Variants in LAMA2 observed in about 807,000 individuals in gnomAD.
LAMA2 encodes the protein laminin subunit alpha 2, also known as laminin subunit alpha-2.
In LAMA2, 269 loss-of-function variants were observed where a neutral mutation model predicts 364.8. That is an observed-to-expected ratio of 0.74 (90% CI 0.67 to 0.82). LAMA2 has a LOEUF of 0.82. Among genes scored for constraint, LAMA2 ranks in the 40% least tolerant of loss-of-function variants. The pLI, the probability that LAMA2 is intolerant of heterozygous loss-of-function variation, is 0.00. For missense variants in LAMA2, 3,807 were observed against 3,873.2 expected, an observed-to-expected ratio of 0.98 and a Z score of 0.45; for synonymous variants, 1,379 against 1,370.6, an observed-to-expected ratio of 1.01 and a Z score of -0.14.
intron 4 of LAMA2, among the ~76,000 whole-genome samples, chr6:129,116,746 T>C (rs1206023867): frequency 1.3e-5 from 2 of 152,126 alleles, no homozygotes; most frequent in African/African-American, 4.8e-5. Flanking sequence ...TATTTTCTTA[T>C]AACCACTTTA....
chr6:129,413,436 C>A (rs1438771984), intron 40 of LAMA2, among the ~76,000 whole-genome samples: 1 of 151,912 alleles, frequency 6.6e-6, no homozygotes, highest in Non-Finnish European at 1.5e-5. Context: ...AACTTAATGG[C>A]CTTATAGAAC....
intron 17 of LAMA2, among the ~76,000 whole-genome samples, chr6:129,278,430 G>A (rs1788476170): frequency 6.6e-6 from 1 of 152,178 alleles, no homozygotes; most frequent in African/African-American, 2.4e-5. Flanking sequence ...ACATATATAT[G>A]CTACAGAGAT....
intron 3 of LAMA2, among the ~76,000 whole-genome samples, chr6:129,068,607 G>T (rs556566156): frequency 1.8e-4 from 27 of 152,310 alleles, no homozygotes; most frequent in African/African-American, 6.5e-4. Context: ...CACATTAGGG[G>T]TTAGGATTTC....
chr6:129,053,091 A>G (rs978963403), intron 2 of LAMA2, among the ~76,000 whole-genome samples: 4 of 152,014 alleles, frequency 2.6e-5, no homozygotes, highest in Non-Finnish European at 4.4e-5. Flanking sequence ...GTTTTGTTTT[A>G]TTTTGAGACG....
At chr6:129,389,802 A>G (rs1044693508) in intron 35 of LAMA2, among the ~76,000 whole-genome samples, 12 of 152,170 alleles carry the variant, frequency 7.9e-5, no homozygotes, top group African/African-American at 2.7e-4. Flanking sequence ...TTTATTCACT[A>G]TCACAAGAAC....
chr6:129,359,404 C>T (rs1354379209), intron 32 of LAMA2, among the ~76,000 whole-genome samples: 1 of 151,434 alleles, frequency 6.6e-6, no homozygotes, highest in Non-Finnish European at 1.5e-5. Flanking sequence ...CTACAGCTTT[C>T]CTCTCTATTC....
intron 12 of LAMA2, among the ~76,000 whole-genome samples, chr6:129,245,105 A>T (rs1443866287): frequency 6.6e-6 from 1 of 152,106 alleles, no homozygotes; most frequent in Non-Finnish European, 1.5e-5. Context: ...GTGCCTTCTC[A>T]ATTTGATATC....
intron 12 of LAMA2, among the ~76,000 whole-genome samples, chr6:129,235,260 C>T (rs1316707849): frequency 6.6e-6 from 1 of 152,102 alleles, no homozygotes; most frequent in Non-Finnish European, 1.5e-5. Context: ...AATTACTATG[C>T]TACTAGAATA....
intron 28 of LAMA2, among the ~76,000 whole-genome samples, chr6:129,322,008 G>C (rs943616775): frequency 4.6e-5 from 7 of 152,268 alleles, no homozygotes; most frequent in African/African-American, 1.7e-4. Context: ...AAATGGAAAC[G>C]TATGTGTGAA....
rs753472202 is a variant in LAMA2 at position 129,192,850 on chromosome 6, C to A, written c.1779C>A (p.Asn593Lys). The change falls in exon 12 of 65, where the codon AAC (asparagine) becomes AAA (lysine). Residue 593 changes from asparagine to lysine, a missense_variant. Transcript: ENST00000421865. Reference protein sequence around the residue: ...YWSAPAPYLGNKLPAVGGQLT... With the variant: ...YWSAPAPYLGKKLPAVGGQLT... ...GCGCGCCGGCTCCCTATCTGGGAAACAAAGTAAGTCCACGCTTGCTTCCCG... is the reference window on the plus strand; with the variant it reads ...GCGCGCCGGCTCCCTATCTGGGAAAAAAAGTAAGTCCACGCTTGCTTCCCG... 2 of 1,613,756 alleles carry A rather than the reference C, an allele frequency of 1.2e-6. No individual in the cohort carries two copies. Among genetic ancestry groups the A allele is most frequent in the Non-Finnish European group, 1.7e-6 (2 of 1,179,836 alleles).
rs180779697 is a variant in LAMA2 at position 129,248,383 on chromosome 6, A to G, written c.1783-1729A>G. On this transcript the variant is annotated intron_variant, in intron 12 of 64. Transcript: ENST00000421865. ...CAAGTATCATAGGTGATCTTTTTCT[A>G]CTTCATCTATAGTCGTAACAGCTTT... 2.8e-4 allele frequency among the ~76,000 whole-genome samples: 42 copies of G among 152,300 alleles called. No homozygotes were observed. The East Asian group carries it at 7.5e-3, about 27-fold the overall frequency.
chr6:129,394,401 A>C (rs1779492570), intron 37 of LAMA2, among the ~76,000 whole-genome samples: 1 of 152,230 alleles, frequency 6.6e-6, no homozygotes, highest in African/African-American at 2.4e-5. Flanking sequence ...TTTCCTTTAG[A>C]TTAAGTAGTA....
In LAMA2 at chr6:128,903,470, T is replaced by C. The variant is rs570922195; in HGVS notation, c.112+20113T>C. Among the ~76,000 whole-genome samples the C allele has an allele frequency of 1.2e-4, 19 of 152,330 alleles. No individual in the cohort carries two copies. In the South Asian group the frequency reaches 3.7e-3, roughly 30 times the overall value. On this transcript the variant is annotated intron_variant, in intron 1 of 64. Coordinates refer to ENST00000421865, the MANE Select transcript of LAMA2 (RefSeq NM_000426.4). ...TTTGTTTAAATGCCATTGCCTGATT[T>C]CCTGGTGGCTTTTATTTTCCTTCTG...
chr6:128,948,100 T>C (rs1780590903), intron 1 of LAMA2, among the ~76,000 whole-genome samples: 1 of 152,028 alleles, frequency 6.6e-6, no homozygotes, highest in African/African-American at 2.4e-5. Context: ...TGCTATGAAC[T>C]AGAAAGCCAG....
At chr6:129,172,647 A>G (rs1312138570) in intron 9 of LAMA2, among the ~76,000 whole-genome samples, 1 of 152,220 alleles carries the variant, frequency 6.6e-6, no homozygotes, top group Non-Finnish European at 1.5e-5. Flanking sequence ...CCCTGCCCCC[A>G]GAGGTGGAGC....
At chr6:129,382,271 G>T (rs1778734459) in intron 34 of LAMA2, among the ~76,000 whole-genome samples, 3 of 152,210 alleles carry the variant, frequency 2.0e-5, no homozygotes, top group Non-Finnish European at 4.4e-5. Context: ...GAAAAATGAA[G>T]TATAAACCTT....
At chr6:129,450,033 T>G (rs1782592210) in intron 45 of LAMA2, among the ~76,000 whole-genome samples, 3 of 151,988 alleles carry the variant, frequency 2.0e-5, no homozygotes, top group African/African-American at 4.8e-5. Flanking sequence ...CTCAATCTCT[T>G]GACCTCGTGA....
intron 12 of LAMA2, among the ~76,000 whole-genome samples, chr6:129,197,362 G>A (rs1486494473): frequency 3.3e-5 from 5 of 152,064 alleles, no homozygotes; most frequent in African/African-American, 7.2e-5. Context: ...GACAAGAACC[G>A]TGGCTTCCAC....
chr6:129,436,486 A>G (rs1781838331), intron 41 of LAMA2, among the ~76,000 whole-genome samples: 3 of 152,092 alleles, frequency 2.0e-5, no homozygotes, highest in Admixed American at 2.0e-4. Flanking sequence ...TTATTAGGGT[A>G]TTTTTATTCC....
Sources: allele counts gnomAD v4.1 joint callset (sites outside exome capture counted in the v4.1 genomes callset), GRCh38; gene constraint gnomAD v4.1.1; transcripts MANE v1.5; gene names NCBI Gene and HGNC (gene_info 2026-07-23, HGNC 2026-07-21).